KDM6A: variants seen among roughly 807,000 people sequenced by gnomAD.
The protein encoded by KDM6A is lysine-specific demethylase 6A.
In KDM6A, 11 loss-of-function variants were observed where a neutral mutation model predicts 117.6. The ratio of observed to expected loss-of-function variants is 0.09; its 90% CI spans 0.06 to 0.15. KDM6A has a LOEUF of 0.15. Ranked by LOEUF, KDM6A falls within the 10% of genes least tolerant of loss-of-function variation. The pLI is 1.00. For synonymous variants in KDM6A, 384 were observed against 396.1 expected (o/e 0.97, Z 0.36); for missense variants, 799 against 1,077.3 (o/e 0.74, Z 3.62).
chrX:44,984,667 G>A (rs1203066458), intron 4 of KDM6A, among the ~76,000 whole-genome samples: 1 of 111,591 alleles, frequency 9.0e-6, no homozygotes, highest in East Asian at 2.8e-4. Flanking sequence ...ATTAAATAGG[G>A]AATCCTTTCC....
At chrX:44,897,586 A>T (rs2033997879) in intron 2 of KDM6A, among the ~76,000 whole-genome samples, 1 of 110,611 alleles carries the variant, frequency 9.0e-6, no homozygotes, top group African/African-American at 3.3e-5. Flanking sequence ...TTTTCTTTTA[A>T]GAGACAGGGT....
At chrX:44,975,308 T>A (rs1223451652) in intron 4 of KDM6A, among the ~76,000 whole-genome samples, 1 of 111,125 alleles carries the variant, frequency 9.0e-6, no homozygotes, top group African/African-American at 3.3e-5. Context: ...CAGTGAGTTT[T>A]TTTTTTTAAA....
At chrX:44,964,909 A>G (rs1263764491) in intron 3 of KDM6A, among the ~76,000 whole-genome samples, 2 of 112,355 alleles carry the variant, frequency 1.8e-5, no homozygotes, top group Non-Finnish European at 3.8e-5. Context: ...CCTACATGGC[A>G]TCTTCCTCAA....
In KDM6A at chrX:45,003,262, G is replaced by A. The variant is rs1480776135; in HGVS notation, c.385-7699G>A. Among the ~76,000 whole-genome samples, 3 of 110,765 alleles carry A rather than the reference G, an allele frequency of 2.7e-5. No homozygotes were observed. In the East Asian group the frequency reaches 8.6e-4, roughly 32 times the overall value. On this transcript the variant is annotated intron_variant, in intron 4 of 29. Coordinates refer to ENST00000611820, the MANE Select transcript of KDM6A (RefSeq NM_001291415.2). ...AATCACCCAGGAGGAGGGAGGAACT[G>A]TCTATCGTCCTGTCCTGAAGGGAGT...
At chrX:45,045,588 GA>G (rs569636939) in intron 8 of KDM6A, among the ~76,000 whole-genome samples, 4,689 of 35,661 alleles carry the variant, frequency 0.13, 279 homozygotes, top group African/African-American at 0.31. Flanking sequence ...TCTGTCTCAA[GA>G]AAAAAAAAAA....
chrX:45,102,489 G>A lies in KDM6A; in HGVS notation c.4035-4921G>A, dbSNP rs751175891. ...CCTTATTTAAATGGATAAATATGGT[G>A]TTATACAACTCTTTAGTCCACACCC... On this transcript the variant is annotated intron_variant, in intron 27 of 29. Coordinates refer to ENST00000611820, the MANE Select transcript of KDM6A (RefSeq NM_001291415.2). Among the ~76,000 whole-genome samples, 7 of 111,589 alleles carry A rather than the reference G, an allele frequency of 6.3e-5. No individual in the cohort carries two copies. The East Asian group carries it at 1.4e-3, about 22-fold the overall frequency.
Position 45,046,124 on chromosome X carries a change from T to C in KDM6A, c.655-5585T>C, listed in dbSNP as rs1310772416. Among the ~76,000 whole-genome samples, 4 of 111,657 alleles carry C rather than the reference T, an allele frequency of 3.6e-5. No individual in the cohort carries two copies. The South Asian group carries it at 1.1e-3, about 31-fold the overall frequency. On this transcript the variant is annotated intron_variant, in intron 8 of 29. Coordinates refer to ENST00000611820, the MANE Select transcript of KDM6A (RefSeq NM_001291415.2). ...AGCAATATACTATGACCAAGTGTTA[T>C]TCATTTCAGGAATGCAAGGTTGACT...
At chrX:44,952,538 G>T (rs2038076685) in intron 2 of KDM6A, among the ~76,000 whole-genome samples, 1 of 111,249 alleles carries the variant, frequency 9.0e-6, no homozygotes, top group African/African-American at 3.3e-5. Flanking sequence ...CTCCCACCGT[G>T]CTGTGATTAT....
At chrX:44,890,801 C>T (rs1271648396) in intron 2 of KDM6A, among the ~76,000 whole-genome samples, 1 of 106,777 alleles carries the variant, frequency 9.4e-6, no homozygotes, top group Non-Finnish European at 1.9e-5. Context: ...ATTACAGGCG[C>T]CCGCCACTAC....
intron 3 of KDM6A, among the ~76,000 whole-genome samples, chrX:44,969,707 C>T (rs1409565617): frequency 1.8e-5 from 2 of 111,256 alleles, no homozygotes; most frequent in Non-Finnish European, 3.8e-5. Context: ...TGAGCCACTG[C>T]GCCCGGCCCT....
In KDM6A at chrX:45,070,178, T is replaced by C. The variant is rs750720307; in HGVS notation, c.2679T>C (p.Val893=). Residue 893 remains valine, a synonymous_variant, in exon 18 of 30, where the codon GTT becomes GTC. Transcript: ENST00000611820. The part of the protein sequence containing the change: ...KSTEQTTTNS[V]TSLNSPHSGL... ...CTGAGCAGACAACCACAAACAGTGT[T>C]ACCAGCCTTAACAGCCCTCACAGTG... 2.5e-6 allele frequency: 3 copies of C among 1,211,474 alleles called. No individual in the cohort carries two copies. Among genetic ancestry groups the C allele is most frequent in the Non-Finnish European group, 1.1e-6 (1 of 895,262 alleles).
At chrX:44,896,708 C>T (rs1383960103) in intron 2 of KDM6A, among the ~76,000 whole-genome samples, 5 of 103,046 alleles carry the variant, frequency 4.9e-5, no homozygotes, top group African/African-American at 7.1e-5. Context: ...TTTTCTGAGA[C>T]TGTCTTATTT....
At chrX:44,917,081 T>A (rs59588749) in intron 2 of KDM6A, among the ~76,000 whole-genome samples, 22,716 of 104,510 alleles carry the variant, frequency 0.22, 4,614 homozygotes, top group African/African-American at 0.62. Flanking sequence ...GCTAGAGTGC[T>A]GTGGCCCGAT....
intron 4 of KDM6A, among the ~76,000 whole-genome samples, chrX:45,010,372 A>G (rs891683655): frequency 9.0e-5 from 10 of 110,891 alleles, no homozygotes; most frequent in Non-Finnish European, 1.7e-4. Flanking sequence ...TAAATTATAT[A>G]AATAGCTGGA....
At chrX:45,071,156 A>G (rs559285136) in intron 18 of KDM6A, among the ~76,000 whole-genome samples, 1 of 112,537 alleles carries the variant, frequency 8.9e-6, no homozygotes, top group South Asian at 3.6e-4. Flanking sequence ...TTTAGTTAAC[A>G]TAACTGGAAC....
chrX:44,954,057 TA>T (rs200743814), intron 2 of KDM6A, among the ~76,000 whole-genome samples: 237 of 99,629 alleles, frequency 2.4e-3, no homozygotes, highest in Admixed American at 4.3e-3. Flanking sequence ...GACCTTGCCT[TA>T]AAAAAAAAAA....
chrX:45,047,674 C>CTTTTTTTTTTT (rs78749806), intron 8 of KDM6A, among the ~76,000 whole-genome samples: 922 of 36,362 alleles, frequency 0.025, 374 homozygotes, highest in Non-Finnish European at 0.039. Context: ...CTTTTTTTTT[C>CTTTTTTTTTTT]TTTTTTTTTT....
intron 27 of KDM6A, among the ~76,000 whole-genome samples, chrX:45,101,953 C>G (rs2046351613): frequency 9.0e-6 from 1 of 111,155 alleles, no homozygotes; most frequent in Admixed American, 9.6e-5. Context: ...GCTGAGGAAA[C>G]TGAGGCACAG....
In KDM6A at chrX:45,063,553, C is replaced by G. The variant is rs2147992943; in HGVS notation, c.1815C>G (p.Val605=). 1 of 1,211,880 alleles carries G rather than the reference C, an allele frequency of 8.3e-7. No homozygotes were observed. Among genetic ancestry groups the G allele is most frequent in the Non-Finnish European group, 1.1e-6 (1 of 895,554 alleles). The part of the protein sequence containing the change: ...PQLALTRVPS[V]SQPGVRPACP... ...TTGCTCTGACCAGAGTGCCTAGCGT[C>G]TCTCAGCCTGGAGTCCGTCCTGCCT... is the stretch of plus-strand genomic sequence containing the variant. The change falls in exon 17 of 30, where the codon GTC becomes GTG. Residue 605 remains valine, a synonymous_variant. Coordinates refer to ENST00000611820, the MANE Select transcript of KDM6A (RefSeq NM_001291415.2).
Sources: allele counts gnomAD v4.1 joint callset (sites outside exome capture counted in the v4.1 genomes callset), GRCh38; gene constraint gnomAD v4.1.1; transcripts MANE v1.5; gene names NCBI Gene and HGNC (gene_info 2026-07-23, HGNC 2026-07-21).